Variants in TTL observed in about 807,000 individuals in gnomAD.
TTL encodes tubulin--tyrosine ligase.
A neutral mutation model predicts 41.1 loss-of-function variants in TTL; 10 were observed. The observed-to-expected ratio is 0.24, with a 90% CI of 0.15 to 0.41. The LOEUF is 0.41. Ranked by LOEUF, TTL falls within the 10% of genes least tolerant of loss-of-function variation. TTL has a pLI of 1.00. For missense variants in TTL, 367 were observed against 460.4 expected, an observed-to-expected ratio of 0.80 and a Z score of 1.86; for synonymous variants, 175 against 175.5, an observed-to-expected ratio of 1.00 and a Z score of 0.02.
intron 5 of TTL, among the ~76,000 whole-genome samples, chr2:112,513,657 A>G (rs1013029966): frequency 6.6e-6 from 1 of 151,120 alleles, no homozygotes; most frequent in Non-Finnish European, 1.5e-5. Flanking sequence ...AAGTATAAAT[A>G]TAAATATACA....
At chr2:112,515,400 G>C (rs1256223862) in intron 5 of TTL, among the ~76,000 whole-genome samples, 1 of 152,032 alleles carries the variant, frequency 6.6e-6, no homozygotes, top group East Asian at 1.9e-4. Flanking sequence ...CTGACTTTTA[G>C]GTCTGTTTCT....
At chr2:112,518,596 T>C (rs1682135881) in intron 5 of TTL, among the ~76,000 whole-genome samples, 1 of 152,022 alleles carries the variant, frequency 6.6e-6, no homozygotes, top group African/African-American at 2.4e-5. Context: ...ATTAAAGTCA[T>C]GAGTCAAAAC....
At chr2:112,493,965 G>T (rs148514733) in intron 2 of TTL, among the ~76,000 whole-genome samples, 178 bp from the exon 3 acceptor site, 195 of 152,242 alleles carry the variant, frequency 1.3e-3, no homozygotes, top group Non-Finnish European at 2.2e-3. Context: ...TAACAGCTGT[G>T]CGCTCCCCAA....
At position 112,520,364 on chromosome 2, in the gene TTL, A is replaced by G. The variant is rs1033812264; in HGVS notation, c.958A>G (p.Met320Val). ...CTTCCAGCTCTTCGGCTTTGACTTC[A>G]TGGTCGATGAGGAGCTGAAGGTGTG... is the stretch of plus-strand genomic sequence containing the variant. ...QSFQLFGFDF[M>V]VDEELKVWLI... The change falls in exon 6 of 7, where the codon ATG (methionine) becomes GTG (valine). Residue 320 changes from methionine to valine, a missense_variant. Physicochemically the swap from Met to Val is conservative, Grantham distance 21 (BLOSUM62 1). Transcript: ENST00000233336. 2.5e-6 allele frequency: 4 copies of G among 1,614,032 alleles called. No homozygotes were observed. Among genetic ancestry groups the G allele is most frequent in the South Asian group, 2.2e-5 (2 of 91,076 alleles).
chr2:112,503,947 A>G (rs1246010826), intron 5 of TTL, among the ~76,000 whole-genome samples: 4 of 77,236 alleles, frequency 5.2e-5, no homozygotes, highest in Non-Finnish European at 7.5e-5. Context: ...ATATCTCCCA[A>G]TGCTATCCCT....
At chr2:112,519,503 A>G (rs1034923205) in intron 5 of TTL, among the ~76,000 whole-genome samples, 2 of 151,642 alleles carry the variant, frequency 1.3e-5, no homozygotes, top group South Asian at 2.1e-4. Context: ...GTAATTAGCA[A>G]TAATTTGCCA....
At chr2:112,520,781 G>A (rs573295851) in intron 6 of TTL, 10 of 213,012 alleles carry the variant, frequency 4.7e-5, no homozygotes, top group Middle Eastern at 2.1e-3. Flanking sequence ...AGTCAGGCAT[G>A]GTGCTGTGTG....
chr2:112,498,626 G>A (rs1208414102), intron 3 of TTL, among the ~76,000 whole-genome samples: 5 of 152,124 alleles, frequency 3.3e-5, no homozygotes, highest in Non-Finnish European at 5.9e-5. Context: ...TGGAGGGGCC[G>A]GGCACGGTGG....
intron 4 of TTL, among the ~76,000 whole-genome samples, chr2:112,502,607 A>G (rs1681732133): frequency 6.6e-6 from 1 of 151,650 alleles, no homozygotes; most frequent in Middle Eastern, 3.4e-3. Context: ...ATTGCACTCC[A>G]GCCTGGGCAA....
At chr2:112,493,278 C>T (rs1285752322) in intron 2 of TTL, among the ~76,000 whole-genome samples, 4 of 152,018 alleles carry the variant, frequency 2.6e-5, no homozygotes, top group Non-Finnish European at 5.9e-5. Flanking sequence ...GGGCAGGTTC[C>T]TCCCTGTCTC....
intron 5 of TTL, among the ~76,000 whole-genome samples, chr2:112,517,156 CAA>C (rs33990458): frequency 0.056 from 5,900 of 105,434 alleles, 235 homozygotes; most frequent in African/African-American, 0.15. Flanking sequence ...GAGCTTTCAG[CAA>C]AAAAAAAAAA....
chr2:112,532,751 G>GT lies in TTL; in HGVS notation c.*3963dup. 1 of 31,262 alleles carries GT rather than the reference G, an allele frequency of 3.2e-5. No homozygotes were observed. The highest frequency in any genetic ancestry group is 6.6e-5 in the Non-Finnish European group (1 of 15,172). 1.9% of individuals were successfully genotyped at this position (31,262 alleles called of 1,614,324 possible). ...GTAGGGCCTTTTTTGCATACTTTTT[G>GT]TTTTTTTCTCCAACTCTTAGCTCAT... is the stretch of plus-strand genomic sequence containing the variant. On this transcript the variant is annotated 3_prime_UTR_variant, in exon 7 of 7. Transcript: ENST00000233336.
At position 112,482,417 on chromosome 2, in the gene TTL, G is replaced by A; in HGVS notation, c.73G>A (p.Gly25Ser). The A allele has an allele frequency of 6.2e-7, 1 of 1,608,782 alleles. No individual in the cohort carries two copies. The highest frequency in any genetic ancestry group is 8.5e-7 in the Non-Finnish European group (1 of 1,178,172). The change falls in exon 1 of 7, where the codon GGC (glycine) becomes AGC (serine). Residue 25 changes from glycine (G) to serine (S), a missense_variant. Physicochemically the swap from Gly to Ser is moderately conservative, Grantham distance 56. Coordinates refer to ENST00000233336, the MANE Select transcript of TTL (RefSeq NM_153712.5). This position sits in a 1 kb window ranked among gnomAD's most constrained non-coding sequence, Gnocchi z 5.3. ...AEVSRLLLAT[G>S]HWKRLRRDNP... ...GGTCTCCCGGCTGCTCCTCGCCACC[G>A]GCCACTGGAAGAGGCTGCGGCGAGA...
chr2:112,532,071 T>C lies in TTL; in HGVS notation c.*3276T>C. 4.4e-6 allele frequency: 1 copy of C among 227,598 alleles called. No homozygotes were observed. Among genetic ancestry groups the C allele is most frequent in the Non-Finnish European group, 8.7e-6 (1 of 114,616 alleles). 14.1% of individuals were successfully genotyped at this position (227,598 alleles called of 1,614,324 possible). On this transcript the variant is annotated 3_prime_UTR_variant, in exon 7 of 7. Coordinates refer to ENST00000233336, the MANE Select transcript of TTL (RefSeq NM_153712.5). Reference sequence around the variant, plus strand: ...AGCTGACATGATGTGTCACTAGCTCTGTGGGATGATTGCCACATACATGGA... The same window carrying C: ...AGCTGACATGATGTGTCACTAGCTCCGTGGGATGATTGCCACATACATGGA...
rs969226118 is a variant in TTL, at chr2:112,491,430, A to T, written c.237-2713A>T. Among the ~76,000 whole-genome samples, 7 of 152,340 alleles carry T rather than the reference A, an allele frequency of 4.6e-5. No individual in the cohort carries two copies. The East Asian group carries it at 1.3e-3, about 29-fold the overall frequency. ...CACCTAAAGCTAAAGAAAAATACTT[A>T]ATATTTTTCAAATTTTGAGTCAATC... On this transcript the variant is annotated intron_variant, in intron 2 of 6. Transcript: ENST00000233336.
chr2:112,503,192 T>A lies in TTL; in HGVS notation c.875+11T>A. On this transcript the variant is annotated intron_variant, in intron 5 of 6. Coordinates refer to ENST00000233336, the MANE Select transcript of TTL (RefSeq NM_153712.5). The stretch of plus-strand genomic sequence containing the variant: ...CAAACATATAATAAGGTAACTTAAT[T>A]GTATCTTTTTGGATTACGTGTTTCT... 2 of 1,564,780 alleles carry A rather than the reference T, an allele frequency of 1.3e-6. No homozygotes were observed.
chr2:112,490,086 C>T (rs1312374497), intron 2 of TTL, among the ~76,000 whole-genome samples: 1 of 152,094 alleles, frequency 6.6e-6, no homozygotes, highest in East Asian at 1.9e-4. Context: ...ACCATTTTAA[C>T]AACTGTATCC....
At chr2:112,522,778 C>G (rs1682275570) in intron 6 of TTL, among the ~76,000 whole-genome samples, 1 of 152,306 alleles carries the variant, frequency 6.6e-6, no homozygotes, top group Non-Finnish European at 1.5e-5. Context: ...CCCTTCCCCT[C>G]AAGTCCTGCC....
intron 3 of TTL, among the ~76,000 whole-genome samples, chr2:112,496,010 G>A (rs1681514561): frequency 6.6e-6 from 1 of 152,222 alleles, no homozygotes; most frequent in African/African-American, 2.4e-5. Flanking sequence ...GGGAGAGTTG[G>A]ACTCTTGCCA....
Sources: allele counts gnomAD v4.1 joint callset (sites outside exome capture counted in the v4.1 genomes callset), GRCh38; gene constraint gnomAD v4.1.1; non-coding constraint Gnocchi (gnomAD v3.1); transcripts MANE v1.5; gene names NCBI Gene and HGNC (gene_info 2026-07-23, HGNC 2026-07-21).